Variants in CIB1 observed in about 807,000 individuals in gnomAD.
CIB1 encodes the protein calcium and integrin-binding protein 1.
In CIB1, 19 loss-of-function variants were observed where a neutral mutation model predicts 25.0. That is an observed-to-expected ratio of 0.76 (90% CI 0.53 to 1.12). The LOEUF is 1.12. Among genes scored for constraint, CIB1 ranks in the 50% most tolerant of loss-of-function variants. The pLI is 0.00. For synonymous variants in CIB1, 104 were observed against 98.5 expected, an observed-to-expected ratio of 1.06 and a Z score of -0.33; for missense variants, 236 against 242.6, an observed-to-expected ratio of 0.97 and a Z score of 0.18.
the CIB1 span, chr15:90,262,044 A>G: frequency 1.3e-6 from 2 of 1,535,854 alleles, no homozygotes; most frequent in East Asian, 4.9e-5. Context: ...GCAATGCTGG[A>G]CCAGGAACGA....
At chr15:90,256,772 T>TCCG in the CIB1 span, among the ~76,000 whole-genome samples, 221 of 152,148 alleles carry the variant, frequency 1.5e-3, no homozygotes, top group African/African-American at 4.8e-3. Flanking sequence ...CCCTGCAACC[T>TCCG]CCGCCTCCCG....
the CIB1 span, chr15:90,263,355 G>T: frequency 2.6e-5 from 14 of 530,738 alleles, no homozygotes; most frequent in Non-Finnish European, 2.6e-5. Context: ...ATGACATCCA[G>T]CAAGTTGCAG....
the CIB1 span, among the ~76,000 whole-genome samples, chr15:90,251,114 C>CTTTTTTT: frequency 6.7e-5 from 7 of 104,670 alleles, 1 homozygote; most frequent in East Asian, 7.1e-4. Context: ...CCTGGTCTGT[C>CTTTTTTT]TTTTTTTTTT....
chr15:90,249,354 G>A, the CIB1 span, among the ~76,000 whole-genome samples: 1 of 152,190 alleles, frequency 6.6e-6, no homozygotes, highest in Non-Finnish European at 1.5e-5. Flanking sequence ...CGAAGCGGGA[G>A]GGCTGCAAGT....
chr15:90,233,507 G>C (rs1481317963), intron 2 of CIB1, among the ~76,000 whole-genome samples, 162 bp downstream of exon 2: 2 of 152,230 alleles, frequency 1.3e-5, no homozygotes, highest in African/African-American at 4.8e-5. Flanking sequence ...GGCGGGGAGG[G>C]CGTGCCGGGA....
chr15:90,253,154 C>T, the CIB1 span: 3 of 830,674 alleles, frequency 3.6e-6, no homozygotes, highest in South Asian at 2.0e-5. Flanking sequence ...AACCTGCCCT[C>T]GGGTCAGGTG....
chr15:90,233,256 G>A (rs922141911), intron 2 of CIB1, among the ~76,000 whole-genome samples: 2 of 152,240 alleles, frequency 1.3e-5, no homozygotes, highest in African/African-American at 2.4e-5. Context: ...CACAGTCCCT[G>A]GCACATGGTG....
At chr15:90,241,703 C>G in the CIB1 span, 1 of 1,614,230 alleles carries the variant, frequency 6.2e-7, no homozygotes, top group Admixed American at 1.7e-5. Context: ...CAGGGCCTGA[C>G]TTGGAGTCCT....
chr15:90,262,969 C>G, the CIB1 span: 1 of 1,535,374 alleles, frequency 6.5e-7, no homozygotes. Flanking sequence ...CTTGTAGCTG[C>G]TGCCGGGACA....
At position 90,231,050 on chromosome 15, in the gene CIB1, G is replaced by A. The variant is rs751965559; in HGVS notation, c.466-28C>T. ...GGGAAAGGGAGAGTTTCAGGCCAGA[G>A]CCCCAACTGCTCCCTCCCGCTCCCA... On this transcript the variant is annotated intron_variant, in intron 5 of 6. Coordinates refer to ENST00000328649, the MANE Select transcript of CIB1 (RefSeq NM_006384.4). 6 of 1,612,760 alleles carry A rather than the reference G, an allele frequency of 3.7e-6. No homozygotes were observed. The South Asian group carries it at 6.6e-5, about 18-fold the overall frequency.
At chr15:90,258,037 G>C in the CIB1 span, 2 of 1,613,628 alleles carry the variant, frequency 1.2e-6, no homozygotes, top group African/African-American at 2.7e-5. Context: ...GGGCCTCGCA[G>C]GAAGCTGTCG....
chr15:90,236,191 A>AC (rs1256410023), upstream of CIB1: 2 of 152,186 alleles, frequency 1.3e-5, no homozygotes, highest in Non-Finnish European at 1.5e-5. Flanking sequence ...GGCATGTGCC[A>AC]CCACACCCAG....
the CIB1 span, among the ~76,000 whole-genome samples, chr15:90,250,321 CA>C: frequency 6.6e-6 from 1 of 152,156 alleles, no homozygotes; most frequent in African/African-American, 2.4e-5. Flanking sequence ...GGTCATGGCC[CA>C]TACCATCTGT....
the CIB1 span, chr15:90,265,442 G>A: frequency 7.6e-7 from 1 of 1,318,966 alleles, no homozygotes; most frequent in East Asian, 3.4e-5. Context: ...TCTTGGAAAC[G>A]GAATCCGTAC....
At chr15:90,256,577 CTTTCTTTCTTTCTTTCTTTCT>C in the CIB1 span, among the ~76,000 whole-genome samples, 41 of 56,864 alleles carry the variant, frequency 7.2e-4, no homozygotes, top group Middle Eastern at 6.8e-3. Flanking sequence ...TTCTTTCTTT[CTTTCTTTCTTTCTTTCTTTCT>C]TTCTTTCTTT....
At chr15:90,257,320 A>G in the CIB1 span, 6 of 1,587,620 alleles carry the variant, frequency 3.8e-6, no homozygotes, top group Non-Finnish European at 5.1e-6. Flanking sequence ...TCCACTGCCA[A>G]AAGTGCTGAG....
the CIB1 span, chr15:90,258,692 C>T: frequency 4.6e-6 from 7 of 1,509,292 alleles, no homozygotes; most frequent in South Asian, 6.8e-5. Flanking sequence ...AAGAGGCCAC[C>T]ACCTGCTCAG....
chr15:90,248,628 T>C, the CIB1 span, among the ~76,000 whole-genome samples: 2 of 146,310 alleles, frequency 1.4e-5, no homozygotes, highest in Admixed American at 7.1e-5. Flanking sequence ...AGTGGGAGGA[T>C]TGCTTGAGCC....
the CIB1 span, chr15:90,256,235 A>G: frequency 9.3e-6 from 15 of 1,614,028 alleles, no homozygotes; most frequent in East Asian, 1.3e-4. Context: ...CATCTTCATT[A>G]CCCGAAATCC....
Sources: gnomAD v4.1 joint callset for allele counts (sites outside exome capture counted in the v4.1 genomes callset) on GRCh38, gnomAD v4.1.1 for gene constraint, MANE v1.5 for transcripts, NCBI Gene and HGNC (gene_info 2026-07-23, HGNC 2026-07-21) for gene names.